The following ZRANB3 variants were observed in gnomAD, a reference collection of about 807,000 sequenced individuals.
ZRANB3 encodes the protein zinc finger RANBP2-type containing 3, also known as DNA annealing helicase and endonuclease ZRANB3.
Under a neutral mutation model 133.8 loss-of-function variants are expected in ZRANB3, and 125 were observed. The ratio of observed to expected loss-of-function variants is 0.93; its 90% CI spans 0.81 to 1.08. The LOEUF is 1.08. Among genes scored for constraint, ZRANB3 ranks in the 50% least tolerant of loss-of-function variants. The probability of loss-of-function intolerance (pLI) is 0.00; values close to 1 mark genes in which losing one functional copy is unlikely to be tolerated. For synonymous variants in ZRANB3, 387 were observed against 432.7 expected (o/e 0.89, Z 1.31); for missense variants, 1,229 against 1,275.5 (o/e 0.96, Z 0.56).
intron 5 of ZRANB3, among the ~76,000 whole-genome samples, chr2:135,348,271 GA>G (rs906715289): frequency 8.8e-5 from 13 of 147,536 alleles, no homozygotes; most frequent in African/African-American, 3.3e-4. Flanking sequence ...AAAAAAAAAA[GA>G]AAAGAAAAGA....
chr2:135,350,108 A>G lies in ZRANB3; in HGVS notation c.467T>C (p.Val156Ala). 1.9e-6 allele frequency: 3 copies of G among 1,613,842 alleles called. No individual in the cohort carries two copies. The highest frequency in any genetic ancestry group is 2.5e-6 in the Non-Finnish European group (3 of 1,179,876). Residue 156 changes from valine to alanine, a missense_variant, in exon 5 of 21, where the codon GTG becomes GCG. By Grantham distance (64) the Val-to-Ala change is moderately conservative. Coordinates refer to ENST00000264159, the MANE Select transcript of ZRANB3 (RefSeq NM_032143.4). ...GGATTTCATGTAGTGTGATTCATCC[A>G]CTATAACTACTTTGAAGTTCTGATT... is the stretch of plus-strand genomic sequence containing the variant. ...LNNQNFKVVI[V>A]DESHYMKSRN...
chr2:135,272,500 C>A (rs1680573764), intron 9 of ZRANB3, among the ~76,000 whole-genome samples: 1 of 146,592 alleles, frequency 6.8e-6, no homozygotes, highest in South Asian at 2.2e-4. Flanking sequence ...CTGCAAGCTC[C>A]GCCTCCGGGT....
At chr2:135,442,997 T>C (rs1689850445) in intron 2 of ZRANB3, among the ~76,000 whole-genome samples, 1 of 151,762 alleles carries the variant, frequency 6.6e-6, no homozygotes, top group Non-Finnish European at 1.5e-5. Flanking sequence ...GCGCCTGTAG[T>C]CCCAGCTACT....
chr2:135,376,934 T>C lies in ZRANB3; in HGVS notation c.180+13868A>G, dbSNP rs115290670. ...TTACAAATGTCTGAAATATCCTCAC[T>C]GGAGGATGTGGGGGAATAAGGTGCT... is the stretch of plus-strand genomic sequence containing the variant. On this transcript the variant is annotated intron_variant, in intron 3 of 20. Coordinates refer to ENST00000264159, the MANE Select transcript of ZRANB3 (RefSeq NM_032143.4). Among the ~76,000 whole-genome samples the C allele has an allele frequency of 7.4e-3, 1,134 of 152,318 alleles. 14 individuals carry two copies. Among genetic ancestry groups the C allele is most frequent in the African/African-American group, 0.025 (1,058 of 41,570 alleles).
At chr2:135,433,939 G>A (rs1689423172) in intron 2 of ZRANB3, among the ~76,000 whole-genome samples, 2 of 152,236 alleles carry the variant, frequency 1.3e-5, no homozygotes, top group Admixed American at 1.3e-4. Flanking sequence ...GGAGGTTGCG[G>A]TGAGTTGAGA....
chr2:135,202,629 G>A lies in ZRANB3; in HGVS notation c.3141+203C>T, dbSNP rs987769782. ...GGTGCAAATGTCTTGGTCCTAGAAT[G>A]AATGAAAAGGGAAGCAGCTTCTCTT... On this transcript the variant is annotated intron_variant, in intron 20 of 20. Transcript: ENST00000264159. The A allele has an allele frequency of 1.0e-5, 5 of 493,156 alleles. No individual in the cohort carries two copies. In the Admixed American group the frequency reaches 1.4e-4, roughly 14 times the overall value. The allele number at this position is 493,156 out of a possible 1,614,324, so 30.5% of individuals were successfully genotyped here. A position where few individuals can be genotyped will look rare whatever the true frequency, so the allele number is the denominator to read the frequency against.
At chr2:135,374,876 G>A (rs968886123) in intron 3 of ZRANB3, among the ~76,000 whole-genome samples, 2 of 152,050 alleles carry the variant, frequency 1.3e-5, no homozygotes, top group East Asian at 1.9e-4. Flanking sequence ...AAAAAGAAAC[G>A]ATTTAAACAT....
chr2:135,366,872 T>A (rs1685962746), intron 3 of ZRANB3, among the ~76,000 whole-genome samples: 1 of 151,288 alleles, frequency 6.6e-6, no homozygotes, highest in South Asian at 2.1e-4. Context: ...AAAAAAAAAA[T>A]TAGCTGGGCA....
intron 2 of ZRANB3, among the ~76,000 whole-genome samples, chr2:135,458,437 T>C (rs1690623362): frequency 1.3e-5 from 2 of 151,874 alleles, no homozygotes; most frequent in African/African-American, 2.4e-5. Context: ...GCTATTACAC[T>C]GAATGTGTAA....
chr2:135,361,921 G>A (rs1050677559), intron 3 of ZRANB3, among the ~76,000 whole-genome samples: 10 of 152,022 alleles, frequency 6.6e-5, no homozygotes, highest in South Asian at 6.2e-4. Context: ...GTGTACGGCC[G>A]GGCACAGTGG....
At chr2:135,412,406 T>C (rs1688348855) in intron 2 of ZRANB3, among the ~76,000 whole-genome samples, 2 of 152,198 alleles carry the variant, frequency 1.3e-5, no homozygotes, top group Admixed American at 1.3e-4. Context: ...GATTTTAATA[T>C]TGTAAGTCAT....
chr2:135,318,443 A>G (rs1276004572), intron 6 of ZRANB3, among the ~76,000 whole-genome samples: 2 of 152,218 alleles, frequency 1.3e-5, no homozygotes, highest in African/African-American at 2.4e-5. Flanking sequence ...GCAACTATTC[A>G]TAAGAATCAC....
Position 135,275,147 on chromosome 2 carries a change from CCAGA to C in ZRANB3, c.1086+485_1086+488del, listed in dbSNP as rs1393795240. ...CTCAATGAGCTGTTGGGTACACCTCCCAGACGGGGTGGCGGCTGGGCAGAGGGGC... is the reference window on the plus strand; with the variant it reads ...CTCAATGAGCTGTTGGGTACACCTCCCGGGGTGGCGGCTGGGCAGAGGGGC... On this transcript the variant is annotated intron_variant, in intron 9 of 20. Transcript: ENST00000264159. Among the ~76,000 whole-genome samples, 285 of 152,336 alleles carry C rather than the reference CCAGA, an allele frequency of 1.9e-3. 1 individual carries two copies. Among genetic ancestry groups the C allele is most frequent in the African/African-American group, 6.6e-3 (276 of 41,594 alleles).
chr2:135,355,540 A>C (rs1278624861), intron 3 of ZRANB3, among the ~76,000 whole-genome samples: 1 of 152,006 alleles, frequency 6.6e-6, no homozygotes, highest in African/African-American at 2.4e-5. Context: ...TATTTTTAGC[A>C]GAGACGGGGT....
rs1483295828 is a variant in ZRANB3, at chr2:135,269,155, A to G, written c.1207-14T>C. 6.3e-7 allele frequency: 1 copy of G among 1,579,540 alleles called. No individual in the cohort carries two copies. The highest frequency in any genetic ancestry group is 8.6e-7 in the Non-Finnish European group (1 of 1,165,556). On this transcript the variant is annotated splice_polypyrimidine_tract_variant and intron_variant, in intron 10 of 20. Transcript: ENST00000264159. ...AAATGTTAATCCCTAAGTGAAATAA[A>G]GCAAATAAATTGAGAATGTAACATA... is the stretch of plus-strand genomic sequence containing the variant.
chr2:135,220,472 G>T (rs985244820), intron 15 of ZRANB3, among the ~76,000 whole-genome samples: 1 of 151,926 alleles, frequency 6.6e-6, no homozygotes, highest in African/African-American at 2.4e-5. Flanking sequence ...GGCCGAGGCA[G>T]GAGGACCACG....
chr2:135,511,735 A>C, intron 1 of ZRANB3: 1 of 765,206 alleles, frequency 1.3e-6, no homozygotes, highest in South Asian at 1.3e-5. Context: ...GCAGTTGCTG[A>C]AGTTTCGTGA....
chr2:135,313,428 C>A, intron 8 of ZRANB3, 61 bp downstream of exon 8: 8 of 1,015,688 alleles, frequency 7.9e-6, no homozygotes, highest in South Asian at 7.2e-5. Context: ...TAATTAAAAA[C>A]AGTAAAAGAC....
chr2:135,525,774 G>T (rs1694129953), intron 1 of ZRANB3, among the ~76,000 whole-genome samples: 1 of 148,650 alleles, frequency 6.7e-6, no homozygotes, highest in African/African-American at 2.5e-5. Flanking sequence ...CTTGAACCCG[G>T]GAGGAGGAGG....
Sources: allele counts gnomAD v4.1 joint callset (sites outside exome capture counted in the v4.1 genomes callset), GRCh38; gene constraint gnomAD v4.1.1; transcripts MANE v1.5; gene names NCBI Gene and HGNC (gene_info 2026-07-23, HGNC 2026-07-21).